The following CNTNAP5 variants were observed in gnomAD, a reference collection of about 807,000 sequenced individuals.
The protein encoded by CNTNAP5 is contactin associated protein family member 5, also known as contactin-associated protein-like 5.
In CNTNAP5, 72 loss-of-function variants were observed where a neutral mutation model predicts 150.2. The observed-to-expected ratio is 0.48, with a 90% confidence interval of 0.40 to 0.58. CNTNAP5 has a LOEUF of 0.58. CNTNAP5 is among the 20% of genes least tolerant of loss of function. The pLI, the probability that CNTNAP5 is intolerant of heterozygous loss-of-function variation, is 0.00. For synonymous variants in CNTNAP5, 672 were observed against 619.8 expected, an observed-to-expected ratio of 1.08 and a Z score of -1.25; for missense variants, 1,636 against 1,626.2, an observed-to-expected ratio of 1.01 and a Z score of -0.10.
chr2:124,139,247 C>CTTATATTAAATTTTATA (rs1262986159), intron 1 of CNTNAP5, among the ~76,000 whole-genome samples: 1 of 135,510 alleles, frequency 7.4e-6, no homozygotes, highest in Non-Finnish European at 1.6e-5. Context: ...ATATAAAATC[C>CTTATATTAAATTTTATA]TCTTATTTCT....
At chr2:124,321,836 G>A (rs967570582) in intron 3 of CNTNAP5, among the ~76,000 whole-genome samples, 2 of 152,090 alleles carry the variant, frequency 1.3e-5, no homozygotes, top group Non-Finnish European at 2.9e-5. Flanking sequence ...CTAATTTTAA[G>A]GCTCTAAATT....
chr2:124,681,221 G>T (rs1051536654), intron 13 of CNTNAP5, among the ~76,000 whole-genome samples: 1 of 150,308 alleles, frequency 6.7e-6, no homozygotes, highest in African/African-American at 2.5e-5. Flanking sequence ...AGAATCGCTT[G>T]CACCTGGAAG....
At chr2:124,161,090 T>C (rs1684666200) in intron 1 of CNTNAP5, among the ~76,000 whole-genome samples, 1 of 152,200 alleles carries the variant, frequency 6.6e-6, no homozygotes, top group Non-Finnish European at 1.5e-5. Context: ...CAGTTAACTT[T>C]GCTTCTTGTA....
Position 124,528,694 on chromosome 2 carries a change from C to A in CNTNAP5, c.1649+1238C>A, listed in dbSNP as rs192202161. Among the ~76,000 whole-genome samples, 263 of 152,154 alleles carry A rather than the reference C, an allele frequency of 1.7e-3. 1 individual carries two copies. The highest frequency in any genetic ancestry group is 0.014 in the Middle Eastern group (4 of 294). On this transcript the variant is annotated intron_variant, in intron 10 of 23. Coordinates refer to ENST00000682447, the MANE Select transcript of CNTNAP5 (RefSeq NM_001367498.1). ...TGTGAATAAGTCCAGAGATGTGGGGCAGGACCAGTCATGAAGGACTTTGTG... is the reference window on the plus strand; with the variant it reads ...TGTGAATAAGTCCAGAGATGTGGGGAAGGACCAGTCATGAAGGACTTTGTG...
At chr2:124,684,829 C>T (rs1363070517) in intron 13 of CNTNAP5, among the ~76,000 whole-genome samples, 1 of 152,146 alleles carries the variant, frequency 6.6e-6, no homozygotes, top group Non-Finnish European at 1.5e-5. Context: ...TGATCCACAG[C>T]TTACATTTGG....
chr2:124,767,250 G>T (rs539223880), intron 16 of CNTNAP5, among the ~76,000 whole-genome samples: 1 of 152,094 alleles, frequency 6.6e-6, no homozygotes, highest in Non-Finnish European at 1.5e-5. Context: ...TGATATATCC[G>T]AATTATTGGA....
At chr2:124,415,728 T>C (rs886221921) in intron 3 of CNTNAP5, among the ~76,000 whole-genome samples, 4 of 152,176 alleles carry the variant, frequency 2.6e-5, no homozygotes, top group Admixed American at 6.5e-5. Flanking sequence ...TGAGGTATGA[T>C]TGGGATGATG....
rs919043732 is a variant in CNTNAP5 at position 124,101,525 on chromosome 2, A to T, written c.82+75793A>T. On this transcript the variant is annotated intron_variant, in intron 1 of 23. Transcript: ENST00000682447. ...CAACCAGACAAGGCAGGCATATTTG[A>T]AGGTGGTTTAGGAATTTACATCACG... 2.6e-5 allele frequency among the ~76,000 whole-genome samples: 4 copies of T among 152,310 alleles called. No individual in the cohort carries two copies. In the East Asian group the frequency reaches 7.7e-4, roughly 29 times the overall value.
rs75613046 is a variant in CNTNAP5 at position 124,841,918 on chromosome 2, G to A, written c.3218-23388G>A. 1.8e-3 allele frequency among the ~76,000 whole-genome samples: 268 copies of A among 152,142 alleles called. 1 individual carries two copies. The highest frequency in any genetic ancestry group is 6.2e-3 in the African/African-American group (258 of 41,518). ...CGTGACCCAATATTTCTGTAAAATT[G>A]CATCTCTTTATACTGTCAGTATCTG... On this transcript the variant is annotated intron_variant, in intron 19 of 23. Coordinates refer to ENST00000682447, the MANE Select transcript of CNTNAP5 (RefSeq NM_001367498.1).
intron 14 of CNTNAP5, among the ~76,000 whole-genome samples, chr2:124,758,423 T>C (rs1680886637): frequency 6.6e-6 from 1 of 151,818 alleles, no homozygotes; most frequent in Non-Finnish European, 1.5e-5. Flanking sequence ...AAATATATAT[T>C]CATGAAGGAA....
At chr2:124,355,531 G>A (rs1243709358) in intron 3 of CNTNAP5, among the ~76,000 whole-genome samples, 1 of 152,074 alleles carries the variant, frequency 6.6e-6, no homozygotes, top group African/African-American at 2.4e-5. Context: ...AGCCCTGTAT[G>A]CTGCATGATT....
chr2:124,743,385 G>A (rs921792305), intron 13 of CNTNAP5, among the ~76,000 whole-genome samples: 10 of 152,154 alleles, frequency 6.6e-5, no homozygotes, highest in Admixed American at 5.2e-4. Context: ...CCCGAATCTC[G>A]TTTCTAGCTG....
intron 3 of CNTNAP5, among the ~76,000 whole-genome samples, chr2:124,400,686 T>TG (rs756855937): frequency 2.6e-5 from 2 of 77,040 alleles, no homozygotes; most frequent in African/African-American, 6.7e-5. Flanking sequence ...TTTTTTTTTT[T>TG]TTGTTTTTTT....
At chr2:124,869,096 A>T (rs1677690863) in intron 20 of CNTNAP5, among the ~76,000 whole-genome samples, 1 of 152,108 alleles carries the variant, frequency 6.6e-6, no homozygotes, top group Admixed American at 6.6e-5. Flanking sequence ...CCCCTGCAAG[A>T]TGGGATTATC....
Position 124,903,033 on chromosome 2 carries a change from G to C in CNTNAP5, c.3588G>C (p.Thr1196=), listed in dbSNP as rs368921834. Reference sequence around the variant, plus strand: ...CTGTGACTGTCCATGGGACCTTGACGGAATCCAGCTGTGGCTTCATGGTGG... The same window carrying C: ...CTGTGACTGTCCATGGGACCTTGACCGAATCCAGCTGTGGCTTCATGGTGG... The part of the protein sequence containing the change: ...VAPVTVHGTL[T]ESSCGFMVDS... The change falls in exon 22 of 24, where the codon ACG becomes ACC. Residue 1196 remains threonine (T), a synonymous_variant. Transcript: ENST00000682447. 6.2e-7 allele frequency: 1 copy of C among 1,607,786 alleles called. No homozygotes were observed. The highest frequency in any genetic ancestry group is 8.5e-7 in the Non-Finnish European group (1 of 1,176,840).
intron 11 of CNTNAP5, among the ~76,000 whole-genome samples, chr2:124,603,661 T>C (rs1462757009): frequency 6.6e-6 from 1 of 152,214 alleles, no homozygotes; most frequent in Non-Finnish European, 1.5e-5. Flanking sequence ...CAGGATATGA[T>C]CTCTGTTCTT....
intron 19 of CNTNAP5, among the ~76,000 whole-genome samples, chr2:124,860,325 G>A (rs921267660): frequency 6.6e-6 from 1 of 151,872 alleles, no homozygotes; most frequent in African/African-American, 2.4e-5. Context: ...ACTCCAGTCT[G>A]GGCGACAGAG....
intron 3 of CNTNAP5, among the ~76,000 whole-genome samples, chr2:124,247,093 T>G (rs1687049601): frequency 6.6e-6 from 1 of 152,156 alleles, no homozygotes; most frequent in Admixed American, 6.6e-5. Context: ...CCCGATTTCA[T>G]CCTTGAGTGA....
intron 5 of CNTNAP5, among the ~76,000 whole-genome samples, chr2:124,444,265 C>A (rs1467922483): frequency 6.6e-6 from 1 of 152,028 alleles, no homozygotes; most frequent in Non-Finnish European, 1.5e-5. Context: ...CCTTCTAATC[C>A]AATTCCCACA....
Sources: allele counts gnomAD v4.1 joint callset (sites outside exome capture counted in the v4.1 genomes callset), GRCh38; gene constraint gnomAD v4.1.1; transcripts MANE v1.5; gene names NCBI Gene and HGNC (gene_info 2026-07-23, HGNC 2026-07-21).